The following SGSM2 variants were observed in gnomAD, a reference collection of about 807,000 sequenced individuals.
SGSM2 encodes small G protein signaling modulator 2.
SGSM2 carries 89 observed loss-of-function variants against 126.6 expected under a neutral mutation model. The ratio of observed to expected loss-of-function variants is 0.70; its 90% CI spans 0.59 to 0.84. The LOEUF is 0.84. SGSM2 is among the 40% of genes least tolerant of loss of function. The probability of loss-of-function intolerance (pLI) is 0.00; values close to 1 mark genes in which losing one functional copy is unlikely to be tolerated. For synonymous variants in SGSM2, 614 were observed against 574.3 expected, an observed-to-expected ratio of 1.07 and a Z score of -0.99; for missense variants, 1,404 against 1,416.6, an observed-to-expected ratio of 0.99 and a Z score of 0.14.
rs185229812 is a variant in SGSM2 at position 2,339,054 on chromosome 17, G to C, written c.57+1309G>C. ...AGCCTGGGCGACAGAGTGAGACTCCGTCTCAAAAAAAAAAAAGTTTACCTT... is the reference window on the plus strand; with the variant it reads ...AGCCTGGGCGACAGAGTGAGACTCCCTCTCAAAAAAAAAAAAGTTTACCTT... On this transcript the variant is annotated intron_variant, in intron 1 of 23. Transcript: ENST00000268989. Among the ~76,000 whole-genome samples the C allele has an allele frequency of 5.7e-3, 848 of 149,994 alleles. 5 individuals are homozygous for C. Among genetic ancestry groups the C allele is most frequent in the African/African-American group, 0.017 (700 of 40,796 alleles).
rs1024031539 is a variant in SGSM2, at chr17:2,371,509, G to C, written c.1577+94G>C. On this transcript the variant is annotated intron_variant, in intron 13 of 23. Coordinates refer to ENST00000268989, the MANE Select transcript of SGSM2 (RefSeq NM_014853.3). Reference sequence around the variant, plus strand: ...TAAAGGCCGTGTCACCTGCACGACAGGGTGGCCTCTAGAGTGGGACAGATC... The same window carrying C: ...TAAAGGCCGTGTCACCTGCACGACACGGTGGCCTCTAGAGTGGGACAGATC... The C allele has an allele frequency of 4.8e-5, 70 of 1,443,560 alleles. 3 individuals carry two copies. The Middle Eastern group carries it at 7.8e-4, about 16-fold the overall frequency. 89.4% of individuals were successfully genotyped at this position (1,443,560 alleles called of 1,614,324 possible).
rs1417354676 is a variant in SGSM2, at chr17:2,362,722, G to C, written c.459-116G>C. 1.9e-6 allele frequency: 2 copies of C among 1,061,180 alleles called. No homozygotes were observed. Among genetic ancestry groups the C allele is most frequent in the Non-Finnish European group, 2.8e-6 (2 of 710,474 alleles). The allele number at this position is 1,061,180 out of a possible 1,614,324, so 65.7% of individuals were successfully genotyped here. Reference sequence around the variant, plus strand: ...GAAGCCCAGTCCCTAAGGACTCACTGTTTCTTGATGACTGATCTGAATCTG... The same window carrying C: ...GAAGCCCAGTCCCTAAGGACTCACTCTTTCTTGATGACTGATCTGAATCTG... On this transcript the variant is annotated intron_variant, in intron 4 of 23. Transcript: ENST00000268989. This position sits in a 1 kb window ranked among gnomAD's most constrained non-coding sequence, Gnocchi z 4.9.
chr17:2,379,129 C>T lies in SGSM2; in HGVS notation c.2993C>T (p.Ala998Val). 1 of 1,614,214 alleles carries T rather than the reference C, an allele frequency of 6.2e-7. No homozygotes were observed. ...CACTTTGTCCTGTTCATCGCCCTCG[C>T]CCTGGTGGAGGCCTACCGAGAGATC... ...SEHFVLFIALALVEAYREIIR... is the reference protein window; with the variant it reads ...SEHFVLFIALVLVEAYREIIR... Residue 998 changes from alanine to valine, a missense_variant, in exon 23 of 24, where the codon GCC (alanine) becomes GTC (valine). Transcript: ENST00000268989.
rs533516550 is a variant in SGSM2, at chr17:2,375,207, C to G, written c.2101-285C>G. ...TCAAACTGGCCATTGAGCGTTCAGC[C>G]CCCTGGCTCCCCTACTTCCCTTCAG... is the stretch of plus-strand genomic sequence containing the variant. On this transcript the variant is annotated intron_variant, in intron 17 of 23. Transcript: ENST00000268989. 1.1e-4 allele frequency: 36 copies of G among 338,380 alleles called. No individual in the cohort carries two copies. The South Asian group carries it at 2.5e-3, about 23-fold the overall frequency. The allele number at this position is 338,380 out of a possible 1,614,324, so 21.0% of individuals were successfully genotyped here. A position where few individuals can be genotyped will look rare whatever the true frequency, so the allele number is the denominator to read the frequency against.
intron 1 of SGSM2, among the ~76,000 whole-genome samples, chr17:2,339,043 A>C (rs1017573429): frequency 5.3e-5 from 8 of 151,364 alleles, no homozygotes; most frequent in African/African-American, 1.9e-4. Context: ...TGGGCGACAG[A>C]GTGAGACTCC....
Position 2,380,965 on chromosome 17 carries a change from G to A in SGSM2, c.*1445G>A, listed in dbSNP as rs916669812. On this transcript the variant is annotated 3_prime_UTR_variant, in exon 24 of 24. Transcript: ENST00000268989. ...ATTGTGTGCCTGCCTTAGTGACTCCGTGGTTTTGTGAGGAGCAGAGTGTGT... is the reference window on the plus strand; with the variant it reads ...ATTGTGTGCCTGCCTTAGTGACTCCATGGTTTTGTGAGGAGCAGAGTGTGT... 4 of 153,886 alleles carry A rather than the reference G, an allele frequency of 2.6e-5. No homozygotes were observed. The highest frequency in any genetic ancestry group is 1.9e-4 in the Admixed American group (3 of 15,394). 9.5% of individuals were successfully genotyped at this position (153,886 alleles called of 1,614,324 possible). A position where few individuals can be genotyped will look rare whatever the true frequency, so the allele number is the denominator to read the frequency against.
rs761681299 is a variant in SGSM2 at position 2,375,597 on chromosome 17, G to A, written c.2206G>A (p.Val736Met). The change falls in exon 18 of 24, where the codon GTG becomes ATG. Residue 736 changes from valine (V) to methionine (M), a missense_variant. By Grantham distance (21) the Val-to-Met change is conservative (BLOSUM62 1). Coordinates refer to ENST00000268989, the MANE Select transcript of SGSM2 (RefSeq NM_014853.3). ...EAGPGTPGTA[V>M]VEQQHSVEFD... ...AGGACCCGGGACTCCGGGCACCGCC[G>A]TGGTGGAGCAGCAGCATTCCGTGGA... The A allele has an allele frequency of 1.7e-5, 27 of 1,613,844 alleles. No homozygotes were observed. The South Asian group carries it at 2.3e-4, about 14-fold the overall frequency.
At position 2,363,986 on chromosome 17, in the gene SGSM2, C is replaced by T. The variant is rs2065440141; in HGVS notation, c.808-73C>T. On this transcript the variant is annotated intron_variant, in intron 7 of 23. Coordinates refer to ENST00000268989, the MANE Select transcript of SGSM2 (RefSeq NM_014853.3). This position sits in a 1 kb window ranked among gnomAD's most constrained non-coding sequence, Gnocchi z 4.2. ...TGGCCTCCCCTCCTCCCAGCGGGAG[C>T]TCATTTCTCATAGGCCATCCCTGAG... 7.5e-6 allele frequency: 12 copies of T among 1,596,828 alleles called. No individual in the cohort carries two copies. The highest frequency in any genetic ancestry group is 1.1e-5 in the South Asian group (1 of 90,676).
At chr17:2,361,009 C>T (rs1327158279) in intron 2 of SGSM2, among the ~76,000 whole-genome samples, 1 of 152,260 alleles carries the variant, frequency 6.6e-6, no homozygotes, top group Non-Finnish European at 1.5e-5. Context: ...CAGCTCCCTA[C>T]TGTCTCCTAC....
chr17:2,344,464 A>G (rs547487467), intron 2 of SGSM2, among the ~76,000 whole-genome samples: 1 of 152,292 alleles, frequency 6.6e-6, no homozygotes, highest in Admixed American at 6.5e-5. Flanking sequence ...AGATAAGGGA[A>G]GGGATGCTTT....
In SGSM2 at chr17:2,376,226, C is replaced by G; in HGVS notation, c.2574C>G (p.Pro858=). Residue 858 remains proline, a synonymous_variant, in exon 19 of 24, where the codon CCC becomes CCG. Transcript: ENST00000268989. ...RCDRNYWYFT[P]PNLERLRDVM... is the part of the protein sequence containing the mutation. ...ACCGCAACTACTGGTACTTCACGCC[C>G]CCCAACCTCGAGAGGCTCAGAGACG... 3.1e-6 allele frequency: 5 copies of G among 1,614,038 alleles called. No individual in the cohort carries two copies. Among genetic ancestry groups the G allele is most frequent in the Non-Finnish European group, 2.5e-6 (3 of 1,180,020 alleles).
chr17:2,346,450 T>C (rs2064600648), intron 2 of SGSM2, among the ~76,000 whole-genome samples: 1 of 152,158 alleles, frequency 6.6e-6, no homozygotes. Context: ...GAAGAATCAC[T>C]GTGTCAAGAC....
rs566117051 is a variant in SGSM2 at position 2,372,078 on chromosome 17, G to A, written c.1578-112G>A. 267 of 1,261,190 alleles carry A rather than the reference G, an allele frequency of 2.1e-4. 1 individual carries two copies. Among genetic ancestry groups the A allele is most frequent in the Middle Eastern group, 9.5e-4 (4 of 4,218 alleles). The allele number at this position is 1,261,190 out of a possible 1,614,324, so 78.1% of individuals were successfully genotyped here. On this transcript the variant is annotated intron_variant, in intron 13 of 23. Coordinates refer to ENST00000268989, the MANE Select transcript of SGSM2 (RefSeq NM_014853.3). This position sits in a 1 kb window ranked among gnomAD's most constrained non-coding sequence, Gnocchi z 6.0. ...TGCTGGGCTGCGGCTCCTCCTCCTC[G>A]CACCCTCCCCAGTGCCTTACCTGCC...
intron 2 of SGSM2, among the ~76,000 whole-genome samples, chr17:2,349,793 GT>G (rs71150858): frequency 6.2e-5 from 9 of 146,252 alleles, no homozygotes; most frequent in African/African-American, 7.6e-5. Flanking sequence ...GAAATGTTTT[GT>G]TTTTTTTTTT....
At chr17:2,340,118 CT>C (rs201303211) in intron 1 of SGSM2, among the ~76,000 whole-genome samples, 1,505 of 145,030 alleles carry the variant, frequency 0.01, 31 homozygotes, top group East Asian at 0.087. Flanking sequence ...ATGGGAAATA[CT>C]TTTTTTTTTT....
At chr17:2,357,625 G>A (rs1048892640) in intron 2 of SGSM2, among the ~76,000 whole-genome samples, 1 of 152,074 alleles carries the variant, frequency 6.6e-6, no homozygotes, top group Non-Finnish European at 1.5e-5. Flanking sequence ...AACCTCCCAA[G>A]TAGCTGGGAC....
Position 2,376,228 on chromosome 17 carries a change from C to G in SGSM2, c.2576C>G (p.Pro859Arg), listed in dbSNP as rs778001288. The G allele has an allele frequency of 6.2e-7, 1 of 1,614,026 alleles. No individual in the cohort carries two copies. Among genetic ancestry groups the G allele is most frequent in the East Asian group, 2.2e-5 (1 of 44,880 alleles). ...CGCAACTACTGGTACTTCACGCCCC[C>G]CAACCTCGAGAGGCTCAGAGACGTC... ...CDRNYWYFTP[P>R]NLERLRDVMC... Residue 859 changes from proline to arginine, a missense_variant, in exon 19 of 24, where the codon CCC becomes CGC. Physicochemically the swap from Pro to Arg is moderately radical, Grantham distance 103. Transcript: ENST00000268989.
At chr17:2,377,736 GAC>G in intron 21 of SGSM2, 119 bp from the exon 22 acceptor site, 1 of 695,606 alleles carries the variant, frequency 1.4e-6, no homozygotes, top group Non-Finnish European at 2.6e-6. Flanking sequence ...CAGGGCAACA[GAC>G]AGACCCACTG....
At chr17:2,378,379 C>T (rs2066274972) in intron 22 of SGSM2, among the ~76,000 whole-genome samples, 1 of 152,062 alleles carries the variant, frequency 6.6e-6, no homozygotes, top group Admixed American at 6.6e-5. Flanking sequence ...GGTTTGAGGC[C>T]AGCCTGGCCA....
Sources: gnomAD v4.1 joint callset for allele counts (sites outside exome capture counted in the v4.1 genomes callset) on GRCh38, gnomAD v4.1.1 for gene constraint, Gnocchi (gnomAD v3.1) non-coding constraint, MANE v1.5 for transcripts, NCBI Gene and HGNC (gene_info 2026-07-23, HGNC 2026-07-21) for gene names.